AKAP6: variants seen among roughly 807,000 people sequenced by gnomAD.
AKAP6 encodes A-kinase anchoring protein 6.
A neutral mutation model predicts 188.5 loss-of-function variants in AKAP6; 58 were observed. The observed-to-expected ratio is 0.31, with a 90% confidence interval of 0.25 to 0.38. AKAP6 has a LOEUF of 0.38. Among genes scored for constraint, AKAP6 ranks in the 10% least tolerant of loss-of-function variants. The pLI, the probability that AKAP6 is intolerant of heterozygous loss-of-function variation, is 1.00. For missense variants in AKAP6, 2,710 were observed against 2,740.0 expected (o/e 0.99, Z 0.24); for synonymous variants, 989 against 998.6 (o/e 0.99, Z 0.18).
At chr14:32,598,784 A>G (rs1007309207) in intron 5 of AKAP6, among the ~76,000 whole-genome samples, 1 of 152,108 alleles carries the variant, frequency 6.6e-6, no homozygotes, top group African/African-American at 2.4e-5. Context: ...TGTCTTTTGG[A>G]TAACTATCAT....
At position 32,528,675 on chromosome 14, in the gene AKAP6, T is replaced by TTTATTA. The variant is rs905930721; in HGVS notation, c.325-6867_325-6862dup. On this transcript the variant is annotated intron_variant, in intron 2 of 13. Transcript: ENST00000280979. ...TCTGGGTCTTTTGCCTCACATAAAC[T>TTTATTA]TTATTATTATTATTATTTTTTAGAC... Among the ~76,000 whole-genome samples the TTTATTA allele has an allele frequency of 3.3e-5, 5 of 152,142 alleles. No individual in the cohort carries two copies. The East Asian group carries it at 9.6e-4, about 29-fold the overall frequency.
At chr14:32,647,959 T>TA (rs928814160) in intron 7 of AKAP6, among the ~76,000 whole-genome samples, 3 of 152,040 alleles carry the variant, frequency 2.0e-5, no homozygotes, top group African/African-American at 7.2e-5. Flanking sequence ...TTAAGCAATA[T>TA]AAAAAATGCA....
intron 9 of AKAP6, 35 bp from the exon 10 acceptor site, chr14:32,732,419 C>G (rs760237615): frequency 6.3e-7 from 1 of 1,595,394 alleles, no homozygotes; most frequent in Non-Finnish European, 8.5e-7. Flanking sequence ...ACACCTCTCT[C>G]CCTAATGATA....
chr14:32,558,007 G>A (rs550243227), intron 4 of AKAP6, among the ~76,000 whole-genome samples: 1 of 152,108 alleles, frequency 6.6e-6, no homozygotes, highest in South Asian at 2.1e-4. Context: ...TCTTTTCAGT[G>A]CATTTCTGAA....
At chr14:32,600,072 C>T (rs896452098) in intron 6 of AKAP6, among the ~76,000 whole-genome samples, 1 of 152,150 alleles carries the variant, frequency 6.6e-6, no homozygotes, top group African/African-American at 2.4e-5. Context: ...TTTGGTTATA[C>T]TTATCCTGAT....
At chr14:32,334,535 T>C (rs1408881802) in intron 1 of AKAP6, among the ~76,000 whole-genome samples, 1 of 152,194 alleles carries the variant, frequency 6.6e-6, no homozygotes, top group Non-Finnish European at 1.5e-5. Context: ...TCTGTTTTAT[T>C]ATTAGTTATT....
chr14:32,418,348 A>C (rs1164828528), intron 1 of AKAP6, among the ~76,000 whole-genome samples: 1 of 152,186 alleles, frequency 6.6e-6, no homozygotes, highest in African/African-American at 2.4e-5. Context: ...AAGAGGGCAA[A>C]GGAGGGCAAA....
chr14:32,577,381 G>C, intron 5 of AKAP6, 139 bp downstream of exon 5: 1 of 1,103,628 alleles, frequency 9.1e-7, no homozygotes. Context: ...GGTCACAGAA[G>C]ATGAAAATTT....
chr14:32,370,026 C>T (rs1887958541), intron 1 of AKAP6, among the ~76,000 whole-genome samples: 1 of 152,150 alleles, frequency 6.6e-6, no homozygotes, highest in Non-Finnish European at 1.5e-5. Flanking sequence ...AGCGAAACTC[C>T]ATCTCAAAAA....
At chr14:32,431,700 G>A (rs1890232438) in intron 1 of AKAP6, among the ~76,000 whole-genome samples, 1 of 152,114 alleles carries the variant, frequency 6.6e-6, no homozygotes, top group Non-Finnish European at 1.5e-5. Flanking sequence ...TTTTAGTAGA[G>A]ACAGGGTTTC....
rs771837413 is a variant in AKAP6, at chr14:32,735,716, G to A, written c.3206G>A (p.Arg1069His). ...TMAGHSGSSPRDLLSPESGSL... is the reference protein window; with the variant it reads ...TMAGHSGSSPHDLLSPESGSL... ...GCAGGGCACAGTGGGTCGAGTCCAC[G>A]TGACCTGCTCTCTCCTGAAAGTGGA... The change falls in exon 11 of 14, where the codon CGT becomes CAT. Residue 1069 changes from arginine to histidine, a missense_variant. Physicochemically the swap from Arg to His is conservative, Grantham distance 29. Transcript: ENST00000280979. The A allele has an allele frequency of 1.2e-6, 2 of 1,613,428 alleles. No individual in the cohort carries two copies. Among genetic ancestry groups the A allele is most frequent in the Admixed American group, 1.7e-5 (1 of 59,852 alleles).
At chr14:32,449,906 C>G (rs1871665635) in intron 2 of AKAP6, among the ~76,000 whole-genome samples, 1 of 152,126 alleles carries the variant, frequency 6.6e-6, no homozygotes, top group South Asian at 2.1e-4. Context: ...AAGCTTGATG[C>G]CTCTTTAGTG....
At chr14:32,631,603 G>A (rs1422312091) in intron 7 of AKAP6, among the ~76,000 whole-genome samples, 1 of 151,966 alleles carries the variant, frequency 6.6e-6, no homozygotes, top group East Asian at 1.9e-4. Context: ...TATTCTTCCA[G>A]TGCTTCAGAT....
At chr14:32,335,537 A>G (rs1010847001) in intron 1 of AKAP6, among the ~76,000 whole-genome samples, 2 of 152,158 alleles carry the variant, frequency 1.3e-5, no homozygotes, top group Non-Finnish European at 2.9e-5. Context: ...ATGGTAATTC[A>G]GTGGCATGCA....
chr14:32,644,733 C>T (rs1887914695), intron 7 of AKAP6, among the ~76,000 whole-genome samples: 1 of 152,090 alleles, frequency 6.6e-6, no homozygotes, highest in Non-Finnish European at 1.5e-5. Context: ...TCCTCACCAA[C>T]CATCACAAAC....
At chr14:32,418,177 A>T (rs1409415118) in intron 1 of AKAP6, among the ~76,000 whole-genome samples, 1 of 152,196 alleles carries the variant, frequency 6.6e-6, no homozygotes, top group African/African-American at 2.4e-5. Flanking sequence ...ATTGAAAAGG[A>T]CCAGTTGTTT....
intron 11 of AKAP6, among the ~76,000 whole-genome samples, chr14:32,762,480 T>A (rs1461032960): frequency 6.6e-6 from 1 of 152,120 alleles, no homozygotes; most frequent in Non-Finnish European, 1.5e-5. Flanking sequence ...TTTAAAAGTA[T>A]GTAACTTAGT....
chr14:32,452,126 A>G (rs1323199423), intron 2 of AKAP6, among the ~76,000 whole-genome samples: 2 of 145,544 alleles, frequency 1.4e-5, no homozygotes, highest in African/African-American at 5.2e-5. Context: ...GGCTCCAGCA[A>G]TCCTCCCACC....
rs112729792 is a variant in AKAP6 at position 32,813,389 on chromosome 14, A to ACCC, written c.3589-8004_3589-8002dup. ...AGTTACAGTTTTCATCTCTAACCCT[A>ACCC]CCCCCCCCCCCAACCCCTTTCCCAG... On this transcript the variant is annotated intron_variant, in intron 12 of 13. Transcript: ENST00000280979. Among the ~76,000 whole-genome samples, 438 of 65,196 alleles carry ACCC rather than the reference A, an allele frequency of 6.7e-3. 23 individuals carry two copies. The highest frequency in any genetic ancestry group is 0.028 in the East Asian group (41 of 1,464). The allele number at this position is 65,196 out of a possible 152,430, so 42.8% of individuals were successfully genotyped here.
Sources: allele counts gnomAD v4.1 joint callset (sites outside exome capture counted in the v4.1 genomes callset), GRCh38; gene constraint gnomAD v4.1.1; transcripts MANE v1.5; gene names NCBI Gene and HGNC (gene_info 2026-07-23, HGNC 2026-07-21).